HNRNPAB: variants seen among roughly 807,000 people sequenced by gnomAD.
The protein encoded by HNRNPAB is ABBP-1.
HNRNPAB carries 17 observed loss-of-function variants against 44.1 expected under a neutral mutation model. The ratio of observed to expected loss-of-function variants is 0.39; its 90% CI spans 0.26 to 0.58. HNRNPAB has a LOEUF of 0.58. Ranked by LOEUF, HNRNPAB falls within the 20% of genes least tolerant of loss-of-function variation. The probability of loss-of-function intolerance (pLI) is 0.63; values close to 1 mark genes in which losing one functional copy is unlikely to be tolerated. For synonymous variants in HNRNPAB, 183 were observed against 167.6 expected (o/e 1.09, Z -0.71); for missense variants, 393 against 432.7 (o/e 0.91, Z 0.81).
chr5:178,209,589 C>T (rs995951241), intron 6 of HNRNPAB, 142 bp downstream of exon 6: 118 of 702,090 alleles, frequency 1.7e-4, no homozygotes, highest in Admixed American at 5.9e-4. Context: ...ATAGGAACGG[C>T]TCTGGGTCAG....
rs1029779787 is a variant in HNRNPAB, at chr5:178,209,440, A to T, written c.780A>T (p.Gly260=). 2 of 1,613,254 alleles carry T rather than the reference A, an allele frequency of 1.2e-6. No homozygotes were observed. Among genetic ancestry groups the T allele is most frequent in the African/African-American group, 2.7e-5 (2 of 74,890 alleles). Residue 260 remains glycine (G), a synonymous_variant, in exon 6 of 8, where the codon GGA becomes GGT. Transcript: ENST00000358344. ...RGNRGSGGGG[G]GGGQSQSWNQ... is the part of the protein sequence containing the mutation. The stretch of plus-strand genomic sequence containing the variant: ...ACCGAGGCAGCGGAGGTGGTGGTGG[A>T]GGTGGAGGTGAGTGGAACGTGGATG...
chr5:178,210,553 G>A lies in HNRNPAB; in HGVS notation c.929G>A (p.Ser310Asn). ...YYGYGPGYDY[S>N]QGSTNYGKSQ... ...CTGCTATGGTTGTTCTCGTCCCTAG[G>A]TCAGGGTAGTACAAACTACGGCAAG... Residue 310 changes from serine (S) to asparagine (N), a missense_variant and splice_region_variant, in exon 8 of 8, where the codon AGT becomes AAT. By Grantham distance (46) the Ser-to-Asn change is conservative. Coordinates refer to ENST00000358344, the MANE Select transcript of HNRNPAB (RefSeq NM_031266.3). The A allele has an allele frequency of 6.2e-7, 1 of 1,613,996 alleles. No individual in the cohort carries two copies. Among genetic ancestry groups the A allele is most frequent in the Non-Finnish European group, 8.5e-7 (1 of 1,179,870 alleles).
In HNRNPAB at chr5:178,210,269, T is replaced by C; in HGVS notation, c.925T>C (p.Tyr309His). ...GYYGYGPGYD[Y>H]SQGSTNYGKS... ...TTACGGCTACGGCCCCGGCTACGACTACAGTAAGTAGGAGAGAGGGAGGCC... is the reference window on the plus strand; with the variant it reads ...TTACGGCTACGGCCCCGGCTACGACCACAGTAAGTAGGAGAGAGGGAGGCC... Residue 309 changes from tyrosine (Y) to histidine (H), a missense_variant, in exon 7 of 8, where the codon TAC (tyrosine) becomes CAC (histidine). Tyr to His is a moderately conservative substitution (Grantham distance 83). Coordinates refer to ENST00000358344, the MANE Select transcript of HNRNPAB (RefSeq NM_031266.3). 6.2e-7 allele frequency: 1 copy of C among 1,614,104 alleles called. No individual in the cohort carries two copies. Among genetic ancestry groups the C allele is most frequent in the Non-Finnish European group, 8.5e-7 (1 of 1,179,992 alleles).
At position 178,206,901 on chromosome 5, in the gene HNRNPAB, C is replaced by T. The variant is rs1757086633; in HGVS notation, c.537+11C>T. The stretch of plus-strand genomic sequence containing the variant: ...GGCGAGTTTGGGGAGGTGAGTGTGG[C>T]TCTGGGAATAGCCCATCAGCTGCCC... On this transcript the variant is annotated intron_variant, in intron 4 of 7. Transcript: ENST00000358344. The T allele has an allele frequency of 6.2e-7, 1 of 1,613,788 alleles. No homozygotes were observed. The highest frequency in any genetic ancestry group is 8.5e-7 in the Non-Finnish European group (1 of 1,179,822).
Position 178,204,746 on chromosome 5 carries a change from C to A in HNRNPAB, c.-24+6C>A. ...GCGGCGTCATCGGCGGCGAGGTGAG[C>A]GGCGGCCGGCGGGCGGGAGCTCTGG... On this transcript the variant is annotated splice_donor_region_variant and intron_variant, in intron 1 of 7. Coordinates refer to ENST00000358344, the MANE Select transcript of HNRNPAB (RefSeq NM_031266.3). The A allele has an allele frequency of 1.3e-6, 1 of 788,796 alleles. No individual in the cohort carries two copies. Among genetic ancestry groups the A allele is most frequent in the Non-Finnish European group, 1.7e-6 (1 of 598,516 alleles). 48.9% of individuals were successfully genotyped at this position (788,796 alleles called of 1,614,324 possible).
In HNRNPAB at chr5:178,210,891, C is replaced by T. The variant is rs1581193794; in HGVS notation, c.*268C>T. ...CCCCAGAAGCAGGTGGGAGGCTCTG[C>T]TTCCTGCTGCCGCTCTGCAGCCTGG... On this transcript the variant is annotated 3_prime_UTR_variant, in exon 8 of 8. Transcript: ENST00000358344. 1.9e-6 allele frequency: 1 copy of T among 515,306 alleles called. No homozygotes were observed. The highest frequency in any genetic ancestry group is 3.5e-6 in the Non-Finnish European group (1 of 287,868). The allele number at this position is 515,306 out of a possible 1,614,324, so 31.9% of individuals were successfully genotyped here.
rs971050298 is a variant in HNRNPAB, at chr5:178,204,821, C to T, written c.-17C>T. ...CTGTCGCCGCTGGTTGCAGGAGCCG[C>T]CGCGCCTCGGCCTAGCATGTCGGAA... is the stretch of plus-strand genomic sequence containing the variant. On this transcript the variant is annotated 5_prime_UTR_variant, in exon 2 of 8. Transcript: ENST00000358344. 1.1e-5 allele frequency: 13 copies of T among 1,215,776 alleles called. No homozygotes were observed. Among genetic ancestry groups the T allele is most frequent in the African/African-American group, 3.2e-5 (2 of 63,216 alleles). 75.3% of individuals were successfully genotyped at this position (1,215,776 alleles called of 1,614,324 possible). A position where few individuals can be genotyped will look rare whatever the true frequency, so the allele number is the denominator to read the frequency against.
At position 178,210,876 on chromosome 5, in the gene HNRNPAB, A is replaced by G. The variant is rs535990500; in HGVS notation, c.*253A>G. On this transcript the variant is annotated 3_prime_UTR_variant, in exon 8 of 8. Coordinates refer to ENST00000358344, the MANE Select transcript of HNRNPAB (RefSeq NM_031266.3). ...TTTTATTACCAGGTCCCCCAGAAGCAGGTGGGAGGCTCTGCTTCCTGCTGC... is the reference window on the plus strand; with the variant it reads ...TTTTATTACCAGGTCCCCCAGAAGCGGGTGGGAGGCTCTGCTTCCTGCTGC... 1 of 546,278 alleles carries G rather than the reference A, an allele frequency of 1.8e-6. No individual in the cohort carries two copies. The highest frequency in any genetic ancestry group is 2.2e-5 in the South Asian group (1 of 46,168). 33.8% of individuals were successfully genotyped at this position (546,278 alleles called of 1,614,324 possible).
At chr5:178,209,551 G>T in intron 6 of HNRNPAB, 104 bp downstream of exon 6, 2 of 966,074 alleles carry the variant, frequency 2.1e-6, no homozygotes, top group Non-Finnish European at 1.6e-6. Context: ...GGGGTGGGCA[G>T]ATTGTGTGAG....
chr5:178,204,909 C>G lies in HNRNPAB; in HGVS notation c.72C>G (p.Pro24=), dbSNP rs1756981177. The G allele has an allele frequency of 2.5e-6, 3 of 1,210,994 alleles. No individual in the cohort carries two copies. Among genetic ancestry groups the G allele is most frequent in the African/African-American group, 1.6e-5 (1 of 63,382 alleles). 75.0% of individuals were successfully genotyped at this position (1,210,994 alleles called of 1,614,324 possible). ...CCGAGAACGGACATGAGGCCGTCCCCGAAGGCGAGTCGCCGGCCGGGGCTG... is the reference window on the plus strand; with the variant it reads ...CCGAGAACGGACATGAGGCCGTCCCGGAAGGCGAGTCGCCGGCCGGGGCTG... ...GATENGHEAV[P]EGESPAGAGT... Residue 24 remains proline, a synonymous_variant, in exon 2 of 8, where the codon CCC becomes CCG. Coordinates refer to ENST00000358344, the MANE Select transcript of HNRNPAB (RefSeq NM_031266.3).
At chr5:178,207,569 C>T (rs1309557566) in intron 5 of HNRNPAB, among the ~76,000 whole-genome samples, 6 of 152,026 alleles carry the variant, frequency 3.9e-5, no homozygotes, top group Non-Finnish European at 7.3e-5. Flanking sequence ...TTTAAGGTCT[C>T]AGAAGATCCT....
At chr5:178,210,418 T>C in intron 7 of HNRNPAB, 135 bp from the exon 8 acceptor site, 1 of 1,534,604 alleles carries the variant, frequency 6.5e-7, no homozygotes. Context: ...GCCTTAGACT[T>C]CGGGGTCTTA....
chr5:178,208,668 A>G (rs1279348894), intron 5 of HNRNPAB: 1 of 152,294 alleles, frequency 6.6e-6, no homozygotes, highest in Non-Finnish European at 1.5e-5. Flanking sequence ...TTATTTAAGC[A>G]GGAGCACTTT....
rs376937285 is a variant in HNRNPAB at position 178,210,545 on chromosome 5, G to C, written c.929-8G>C. 21 of 1,613,538 alleles carry C rather than the reference G, an allele frequency of 1.3e-5. No individual in the cohort carries two copies. Among genetic ancestry groups the C allele is most frequent in the Non-Finnish European group, 1.6e-5 (19 of 1,179,562 alleles). On this transcript the variant is annotated splice_polypyrimidine_tract_variant and splice_region_variant and intron_variant, in intron 7 of 7. Coordinates refer to ENST00000358344, the MANE Select transcript of HNRNPAB (RefSeq NM_031266.3). ...AATAGTAGCTGCTATGGTTGTTCTCGTCCCTAGGTCAGGGTAGTACAAACT... is the reference window on the plus strand; with the variant it reads ...AATAGTAGCTGCTATGGTTGTTCTCCTCCCTAGGTCAGGGTAGTACAAACT...
chr5:178,210,533 A>G lies in HNRNPAB; in HGVS notation c.929-20A>G, dbSNP rs763324027. ...CAAATGCTTGTAAATAGTAGCTGCT[A>G]TGGTTGTTCTCGTCCCTAGGTCAGG... On this transcript the variant is annotated intron_variant, in intron 7 of 7. Transcript: ENST00000358344. 5.0e-6 allele frequency: 8 copies of G among 1,611,520 alleles called. No homozygotes were observed. In the East Asian group the frequency reaches 6.7e-5, roughly 13 times the overall value.
At chr5:178,206,136 A>C in intron 3 of HNRNPAB, 126 bp downstream of exon 3, 7 of 853,306 alleles carry the variant, frequency 8.2e-6, no homozygotes, top group Admixed American at 7.6e-5. Flanking sequence ...GCAAAACCCA[A>C]AGCCGGAGGT....
chr5:178,206,965 T>C (rs1014647898), intron 4 of HNRNPAB, 75 bp downstream of exon 4: 1 of 1,593,252 alleles, frequency 6.3e-7, no homozygotes, highest in African/African-American at 1.3e-5. Context: ...TATCCTTGGC[T>C]GGCTAGACCC....
At chr5:178,207,013 T>C in intron 4 of HNRNPAB, 81 bp from the exon 5 acceptor site, 2 of 1,589,948 alleles carry the variant, frequency 1.3e-6, no homozygotes, top group Non-Finnish European at 1.7e-6. Context: ...CTGTCTTCAA[T>C]GGGGTCTTTT....
chr5:178,208,825 C>G (rs772697723), intron 5 of HNRNPAB: 9 of 153,502 alleles, frequency 5.9e-5, no homozygotes, highest in East Asian at 5.8e-4. Flanking sequence ...CAGGCCCCCC[C>G]ACCCTGAGCC....
Sources: gnomAD v4.1 joint callset for allele counts (sites outside exome capture counted in the v4.1 genomes callset) on GRCh38, gnomAD v4.1.1 for gene constraint, MANE v1.5 for transcripts, NCBI Gene and HGNC (gene_info 2026-07-23, HGNC 2026-07-21) for gene names.